The following KLHL32 variants were observed in gnomAD, a reference collection of about 807,000 sequenced individuals.
The protein encoded by KLHL32 is kelch like family member 32.
KLHL32 carries 35 observed loss-of-function variants against 64.8 expected under a neutral mutation model. That is an observed-to-expected ratio of 0.54 (90% confidence interval 0.41 to 0.72). The LOEUF (loss-of-function observed/expected upper bound fraction) is 0.72. KLHL32 is among the 30% of genes least tolerant of loss of function. The probability of loss-of-function intolerance (pLI) is 0.00; values close to 1 mark genes in which losing one functional copy is unlikely to be tolerated. For missense variants in KLHL32, 589 were observed against 768.5 expected, an observed-to-expected ratio of 0.77 and a Z score of 2.76; for synonymous variants, 259 against 281.0, an observed-to-expected ratio of 0.92 and a Z score of 0.78.
chr6:97,080,392 A>G (rs909809501), intron 5 of KLHL32, among the ~76,000 whole-genome samples: 1 of 152,196 alleles, frequency 6.6e-6, no homozygotes, highest in Non-Finnish European at 1.5e-5. Flanking sequence ...GAAAAAGCTC[A>G]TGGGTATTCT....
intron 4 of KLHL32, among the ~76,000 whole-genome samples, chr6:97,055,758 C>A (rs9398303): frequency 1 from 145,790 of 145,838 alleles, 72,871 homozygotes; most frequent in Middle Eastern, 1. Flanking sequence ...ATATCGTGCC[C>A]CTGCACCCCA....
intron 6 of KLHL32, among the ~76,000 whole-genome samples, chr6:97,096,307 A>G (rs1174964252): frequency 6.6e-6 from 1 of 152,204 alleles, no homozygotes; most frequent in Non-Finnish European, 1.5e-5. Context: ...ACACACACAT[A>G]TTAGATGCAT....
intron 8 of KLHL32, among the ~76,000 whole-genome samples, chr6:97,130,117 C>T (rs972718596): frequency 3.3e-5 from 5 of 152,032 alleles, no homozygotes; most frequent in Admixed American, 6.6e-5. Context: ...GCTTATCTAG[C>T]GGCCTGAGGT....
the KLHL32 span, among the ~76,000 whole-genome samples, chr6:96,902,178 G>A: frequency 6.6e-6 from 1 of 152,164 alleles, no homozygotes; most frequent in African/African-American, 2.4e-5. Flanking sequence ...CTTCCACAAT[G>A]GTTGAACTAA....
At chr6:96,975,955 T>TG in intron 2 of KLHL32, 42 bp from the exon 3 acceptor site, 1 of 1,477,784 alleles carries the variant, frequency 6.8e-7, no homozygotes, top group Non-Finnish European at 9.1e-7. Context: ...CCCACAGGGC[T>TG]GGGAAAAGGA....
intron 5 of KLHL32, among the ~76,000 whole-genome samples, chr6:97,081,069 T>A (rs905861332): frequency 6.6e-6 from 1 of 152,110 alleles, no homozygotes; most frequent in African/African-American, 2.4e-5. Flanking sequence ...ACAATTACCA[T>A]TGAAAACATG....
At chr6:97,059,456 T>A (rs1326938182) in intron 4 of KLHL32, among the ~76,000 whole-genome samples, 3 of 152,218 alleles carry the variant, frequency 2.0e-5, no homozygotes, top group Admixed American at 2.0e-4. Flanking sequence ...ATTGCTCAGA[T>A]GGAGCACTTC....
intron 1 of KLHL32, among the ~76,000 whole-genome samples, chr6:96,950,457 GGA>G (rs1463354692): frequency 6.6e-6 from 1 of 151,440 alleles, no homozygotes; most frequent in African/African-American, 2.4e-5. Context: ...TTTTTAAAAA[GGA>G]AAATTATGCT....
At chr6:97,079,359 G>A (rs1792120945) in intron 5 of KLHL32, among the ~76,000 whole-genome samples, 1 of 152,116 alleles carries the variant, frequency 6.6e-6, no homozygotes, top group Non-Finnish European at 1.5e-5. Context: ...AAAGGCCACA[G>A]GATCAACACT....
chr6:97,105,876 A>C (rs1162799317), intron 6 of KLHL32, among the ~76,000 whole-genome samples: 2 of 152,240 alleles, frequency 1.3e-5, no homozygotes, highest in African/African-American at 4.8e-5. Context: ...TTTTAAGGGC[A>C]CTTGTATTTA....
At chr6:97,083,019 C>A (rs966550226) in intron 5 of KLHL32, among the ~76,000 whole-genome samples, 2 of 152,210 alleles carry the variant, frequency 1.3e-5, no homozygotes, top group Admixed American at 1.3e-4. Flanking sequence ...GTACTTTCCA[C>A]GTGCCAAACT....
rs958151790 is a variant in KLHL32 at position 96,950,792 on chromosome 6, A to G, written c.-65-16204A>G. On this transcript the variant is annotated intron_variant, in intron 1 of 10. Coordinates refer to ENST00000369261, the MANE Select transcript of KLHL32 (RefSeq NM_052904.4). ...ATAGCTGAGGGTTGTCCTCTTTGCC[A>G]TAGACATTGATATTAGTAACAAGAC... Among the ~76,000 whole-genome samples the G allele has an allele frequency of 3.9e-5, 6 of 152,332 alleles. No homozygotes were observed. The East Asian group carries it at 5.8e-4, about 15-fold the overall frequency.
At chr6:97,121,923 G>A (rs949091748) in intron 7 of KLHL32, among the ~76,000 whole-genome samples, 1 of 152,226 alleles carries the variant, frequency 6.6e-6, no homozygotes, top group African/African-American at 2.4e-5. Flanking sequence ...GCACAGCAAA[G>A]CTGGGACATG....
intron 1 of KLHL32, among the ~76,000 whole-genome samples, chr6:96,947,722 A>G (rs1772092905): frequency 6.6e-6 from 1 of 152,208 alleles, no homozygotes; most frequent in African/African-American, 2.4e-5. Context: ...CTTAGTAATT[A>G]TATTGACTCA....
intron 4 of KLHL32, among the ~76,000 whole-genome samples, chr6:97,050,862 G>T (rs1246828534): frequency 6.6e-6 from 1 of 152,048 alleles, no homozygotes; most frequent in Non-Finnish European, 1.5e-5. Context: ...AAATAGCCAG[G>T]TGTGGCGGTG....
chr6:96,905,773 T>C, the KLHL32 span, among the ~76,000 whole-genome samples: 1 of 152,238 alleles, frequency 6.6e-6, no homozygotes, highest in Non-Finnish European at 1.5e-5. Context: ...ATTGGCACTT[T>C]ATGGCTTAGA....
intron 3 of KLHL32, among the ~76,000 whole-genome samples, chr6:97,020,012 G>T (rs930897161): frequency 6.7e-6 from 1 of 148,578 alleles, no homozygotes; most frequent in Admixed American, 6.7e-5. Flanking sequence ...CAGCAATCTT[G>T]GCTCACTGCA....
At chr6:97,116,921 T>C (rs1797858093) in intron 7 of KLHL32, among the ~76,000 whole-genome samples, 2 of 152,222 alleles carry the variant, frequency 1.3e-5, no homozygotes, top group South Asian at 4.1e-4. Context: ...TTAACCAAAC[T>C]TAATGAAAAC....
intron 4 of KLHL32, among the ~76,000 whole-genome samples, chr6:97,059,914 C>T (rs1376460578): frequency 3.9e-5 from 6 of 151,926 alleles, no homozygotes; most frequent in African/African-American, 1.2e-4. Flanking sequence ...AAAAAAAATA[C>T]CAAAGAAACA....
Sources: gnomAD v4.1 joint callset for allele counts (sites outside exome capture counted in the v4.1 genomes callset) on GRCh38, gnomAD v4.1.1 for gene constraint, MANE v1.5 for transcripts, NCBI Gene and HGNC (gene_info 2026-07-23, HGNC 2026-07-21) for gene names.